STX18: variants seen among roughly 807,000 people sequenced by gnomAD.
The protein encoded by STX18 is syntaxin-18.
Under a neutral mutation model 50.1 loss-of-function variants are expected in STX18, and 40 were observed. The ratio of observed to expected loss-of-function variants is 0.80; its 90% confidence interval spans 0.62 to 1.04. STX18 has a LOEUF of 1.04. STX18 is among the 50% of genes least tolerant of loss of function. The probability of loss-of-function intolerance (pLI) is 0.00; values close to 1 mark genes in which losing one functional copy is unlikely to be tolerated. For missense variants in STX18, 410 were observed against 415.8 expected (o/e 0.99, Z 0.12); for synonymous variants, 158 against 151.8 (o/e 1.04, Z -0.30).
At chr4:4,497,330 T>TCA in intron 1 of STX18, among the ~76,000 whole-genome samples, 2 of 152,252 alleles carry the variant, frequency 1.3e-5, no homozygotes, top group Admixed American at 1.3e-4. Context: ...TAATGCACCA[T>TCA]CAGGGCAGAA....
intron 1 of STX18, among the ~76,000 whole-genome samples, chr4:4,528,460 C>T (rs759385734): frequency 6.6e-6 from 1 of 152,188 alleles, no homozygotes; most frequent in African/African-American, 2.4e-5. Flanking sequence ...ATGTGACACT[C>T]TTGCTCCCCC....
chr4:4,472,360 G>A (rs1049418621), intron 1 of STX18, among the ~76,000 whole-genome samples: 36 of 152,208 alleles, frequency 2.4e-4, no homozygotes, highest in Admixed American at 2.4e-3. Flanking sequence ...TAAATAAAAA[G>A]TGGTGGGAAG....
intron 1 of STX18, among the ~76,000 whole-genome samples, chr4:4,505,803 G>A (rs576920799): frequency 7.2e-5 from 11 of 151,912 alleles, no homozygotes; most frequent in Non-Finnish European, 1.6e-4. Flanking sequence ...AAACAAAAAC[G>A]AAAAATCGAA....
intron 1 of STX18, among the ~76,000 whole-genome samples, chr4:4,515,650 T>C (rs115111096): frequency 2.4e-3 from 359 of 152,318 alleles, no homozygotes; most frequent in Middle Eastern, 0.014. Context: ...GAGACACACG[T>C]GCTTTAGCAG....
intron 1 of STX18, among the ~76,000 whole-genome samples, chr4:4,474,579 C>T (rs1275465559): frequency 2.0e-5 from 3 of 152,076 alleles, no homozygotes; most frequent in African/African-American, 7.3e-5. Flanking sequence ...ATCAGCTGAC[C>T]TTAAAGTAGA....
chr4:4,483,173 C>T (rs1299500904), intron 1 of STX18, among the ~76,000 whole-genome samples: 3 of 152,094 alleles, frequency 2.0e-5, no homozygotes, highest in Admixed American at 2.0e-4. Context: ...CTCATATTAG[C>T]AACTAACTTT....
Position 4,521,519 on chromosome 4 carries a change from A to G in STX18, c.168+20278T>C, listed in dbSNP as rs918943506. Among the ~76,000 whole-genome samples, 9 of 152,320 alleles carry G rather than the reference A, an allele frequency of 5.9e-5. No homozygotes were observed. The East Asian group carries it at 1.7e-3, about 29-fold the overall frequency. ...GAGCGGGGGAGGATAAAGAAGAAAG[A>G]AAGAAAATGAAAGACTTAAGAAGAG... On this transcript the variant is annotated intron_variant, in intron 1 of 10. Transcript: ENST00000306200.
At chr4:4,520,512 C>A (rs1244763137) in intron 1 of STX18, among the ~76,000 whole-genome samples, 1 of 152,110 alleles carries the variant, frequency 6.6e-6, no homozygotes, top group African/African-American at 2.4e-5. Flanking sequence ...GAATAAGATA[C>A]CTAAAAAGCT....
chr4:4,465,722 C>G (rs958659850), intron 2 of STX18, among the ~76,000 whole-genome samples: 3 of 152,132 alleles, frequency 2.0e-5, no homozygotes, highest in African/African-American at 7.2e-5. Flanking sequence ...ACACATTTAC[C>G]TATGTAACAA....
At chr4:4,509,638 A>G (rs1729905600) in intron 1 of STX18, among the ~76,000 whole-genome samples, 3 of 152,200 alleles carry the variant, frequency 2.0e-5, no homozygotes, top group Admixed American at 6.5e-5. Flanking sequence ...ATTAAAATCA[A>G]TAATAAGTGT....
At position 4,464,081 on chromosome 4, in the gene STX18, C is replaced by T. The variant is rs1282961198; in HGVS notation, c.237-4594G>A. On this transcript the variant is annotated intron_variant, in intron 2 of 10. Coordinates refer to ENST00000306200, the MANE Select transcript of STX18 (RefSeq NM_016930.4). ...ATTCTCTATCTTTGTGACAGGAATG[C>T]TTCTGAAAGGCAACCACCCCTCGTT... Among the ~76,000 whole-genome samples, 4 of 152,244 alleles carry T rather than the reference C, an allele frequency of 2.6e-5. No homozygotes were observed. The East Asian group carries it at 7.7e-4, about 29-fold the overall frequency.
At chr4:4,526,112 G>C (rs1022720603) in intron 1 of STX18, among the ~76,000 whole-genome samples, 1 of 152,156 alleles carries the variant, frequency 6.6e-6, no homozygotes, top group African/African-American at 2.4e-5. Context: ...TTTGCGTGGA[G>C]AATGAGCGGT....
intron 2 of STX18, among the ~76,000 whole-genome samples, chr4:4,461,411 C>T (rs1325102316): frequency 1.3e-5 from 2 of 152,096 alleles, no homozygotes; most frequent in Non-Finnish European, 2.9e-5. Flanking sequence ...AGGTTACATG[C>T]TGTTCTGCTC....
intron 1 of STX18, among the ~76,000 whole-genome samples, chr4:4,516,167 A>T (rs975279101): frequency 1.3e-5 from 2 of 152,220 alleles, no homozygotes; most frequent in Non-Finnish European, 2.9e-5. Context: ...CACAGTCTAT[A>T]ATTACTGGAT....
chr4:4,448,979 G>C (rs914987300), intron 5 of STX18, among the ~76,000 whole-genome samples: 1 of 146,654 alleles, frequency 6.8e-6, no homozygotes, highest in Admixed American at 6.8e-5. Context: ...AAAAGCAGTA[G>C]ACCAAAAAAA....
rs369085060 is a variant in STX18, at chr4:4,480,119, G to A, written c.169-8413C>T. Among the ~76,000 whole-genome samples the A allele has an allele frequency of 1.4e-4, 21 of 152,292 alleles. No homozygotes were observed. In the South Asian group the frequency reaches 2.5e-3, roughly 18 times the overall value. On this transcript the variant is annotated intron_variant, in intron 1 of 10. Transcript: ENST00000306200. ...TAGAGGGGAATCTAAAAGACTGCTC[G>A]GCAAGGTATCAATGATTGTAGGTGG...
chr4:4,482,100 G>C (rs1177883945), intron 1 of STX18, among the ~76,000 whole-genome samples: 3 of 152,042 alleles, frequency 2.0e-5, no homozygotes, highest in African/African-American at 4.8e-5. Flanking sequence ...ACTGTCTCTA[G>C]GTTCTTTTCT....
intron 2 of STX18, among the ~76,000 whole-genome samples, chr4:4,466,611 G>A (rs1441883099): frequency 6.6e-6 from 1 of 152,166 alleles, no homozygotes; most frequent in African/African-American, 2.4e-5. Flanking sequence ...AGAGCGGATG[G>A]GAGGAGCGGG....
rs186522012 is a variant in STX18 at position 4,501,132 on chromosome 4, C to G, written c.169-29426G>C. On this transcript the variant is annotated intron_variant, in intron 1 of 10. Transcript: ENST00000306200. Reference sequence around the variant, plus strand: ...TGTTTCTTCTAATTTTTCACAAGGACAAATTATGCTGTAATGAACATCTTT... The same window carrying G: ...TGTTTCTTCTAATTTTTCACAAGGAGAAATTATGCTGTAATGAACATCTTT... Among the ~76,000 whole-genome samples the G allele has an allele frequency of 5.6e-3, 857 of 152,302 alleles. 5 individuals carry two copies. Among genetic ancestry groups the G allele is most frequent in the Non-Finnish European group, 7.2e-3 (493 of 68,028 alleles).
Sources: gnomAD v4.1 joint callset for allele counts (sites outside exome capture counted in the v4.1 genomes callset) on GRCh38, gnomAD v4.1.1 for gene constraint, MANE v1.5 for transcripts, NCBI Gene and HGNC (gene_info 2026-07-23, HGNC 2026-07-21) for gene names.